Variants in CSMD1 observed in about 807,000 individuals in gnomAD.
CSMD1 encodes the protein CUB and Sushi multiple domains 1.
CSMD1 carries 213 observed loss-of-function variants against 417.5 expected under a neutral mutation model. The ratio of observed to expected loss-of-function variants is 0.51; its 90% CI spans 0.46 to 0.57. The LOEUF is 0.57. Among genes scored for constraint, CSMD1 ranks in the 20% least tolerant of loss-of-function variants. CSMD1 has a pLI of 0.00. For synonymous variants in CSMD1, 2,862 were observed against 1,736.8 expected, an observed-to-expected ratio of 1.65 and a Z score of -16.11; for missense variants, 6,923 against 4,529.7, an observed-to-expected ratio of 1.53 and a Z score of -15.17.
At chr8:4,167,005 T>C (rs1372242533) in intron 3 of CSMD1, among the ~76,000 whole-genome samples, 2 of 152,212 alleles carry the variant, frequency 1.3e-5, no homozygotes, top group South Asian at 2.1e-4. Flanking sequence ...GCTGGGTGTT[T>C]GTGAAATCTT....
chr8:4,626,335 C>T (rs1408005463), intron 2 of CSMD1, among the ~76,000 whole-genome samples: 1 of 151,788 alleles, frequency 6.6e-6, no homozygotes, highest in Non-Finnish European at 1.5e-5. Context: ...GAGCCAGCCA[C>T]ACCTTTTTTT....
intron 3 of CSMD1, among the ~76,000 whole-genome samples, chr8:4,130,899 G>A (rs940070252): frequency 6.6e-6 from 1 of 151,766 alleles, no homozygotes; most frequent in African/African-American, 2.4e-5. Flanking sequence ...GTAGAACAAT[G>A]CATTGGATGG....
intron 46 of CSMD1, among the ~76,000 whole-genome samples, chr8:3,101,799 CTTTTT>C (rs530061255): frequency 1.9e-5 from 2 of 106,356 alleles, no homozygotes; most frequent in Admixed American, 1.1e-4. Context: ...CTTTCTTTTT[CTTTTT>C]TTTTTTTTTT....
At chr8:4,083,620 G>A (rs1030796421) in intron 3 of CSMD1, among the ~76,000 whole-genome samples, 2 of 152,094 alleles carry the variant, frequency 1.3e-5, no homozygotes, top group African/African-American at 2.4e-5. Flanking sequence ...AATGGTGCTG[G>A]GAAAACTGGC....
chr8:3,264,720 A>G (rs1801310563), intron 26 of CSMD1, among the ~76,000 whole-genome samples: 1 of 152,318 alleles, frequency 6.6e-6, no homozygotes, highest in Admixed American at 6.5e-5. Flanking sequence ...TAACTAGGAA[A>G]TGATTGCTAA....
At chr8:3,241,935 G>A (rs987228687) in intron 26 of CSMD1, among the ~76,000 whole-genome samples, 1 of 147,494 alleles carries the variant, frequency 6.8e-6, no homozygotes, top group Non-Finnish European at 1.5e-5. Context: ...GCCGGGAGCA[G>A]ATTGGGTAAT....
rs115062496 is a variant in CSMD1, at chr8:4,755,391, C to T, written c.86-117833G>A. 3.5e-3 allele frequency among the ~76,000 whole-genome samples: 535 copies of T among 152,250 alleles called. 2 individuals carry two copies. The highest frequency in any genetic ancestry group is 0.012 in the African/African-American group (513 of 41,552). On this transcript the variant is annotated intron_variant, in intron 1 of 69. Coordinates refer to ENST00000635120, the MANE Select transcript of CSMD1 (RefSeq NM_033225.6). ...TATAACCTTCAAAGTGCTGCTTTCT[C>T]CTGAAATACTTGGTTCTGATGACTT...
rs552804548 is a variant in CSMD1, at chr8:3,555,391, A to G, written c.1344+19554T>C. On this transcript the variant is annotated intron_variant, in intron 10 of 69. Transcript: ENST00000635120. ...ATGATGACAGTCTGAACGCTGTAAG[A>G]ATTTAGCCAAATCATCCCACCTGCT... Among the ~76,000 whole-genome samples the G allele has an allele frequency of 2.6e-5, 4 of 152,132 alleles. No homozygotes were observed. The East Asian group carries it at 7.8e-4, about 30-fold the overall frequency.
intron 7 of CSMD1, among the ~76,000 whole-genome samples, chr8:3,629,644 T>C (rs1796677763): frequency 6.6e-6 from 1 of 152,198 alleles, no homozygotes; most frequent in African/African-American, 2.4e-5. Flanking sequence ...GATTATTTTA[T>C]CAAGGAATGT....
At chr8:4,771,321 G>C (rs17419350) in intron 1 of CSMD1, among the ~76,000 whole-genome samples, 4,375 of 152,284 alleles carry the variant, frequency 0.029, 92 homozygotes, top group Non-Finnish European at 0.046. Context: ...GTTTCTCCCA[G>C]CTGACAATAA....
At chr8:3,505,993 G>T (rs10106457) in intron 10 of CSMD1, among the ~76,000 whole-genome samples, 2 of 152,000 alleles carry the variant, frequency 1.3e-5, no homozygotes, top group African/African-American at 4.8e-5. Context: ...AAAAATACAC[G>T]TATGTATATT....
At chr8:3,496,362 C>T (rs754555766) in intron 10 of CSMD1, among the ~76,000 whole-genome samples, 1 of 152,266 alleles carries the variant, frequency 6.6e-6, no homozygotes, top group South Asian at 2.1e-4. Context: ...GGATTGAGGG[C>T]AGACACCATG....
chr8:3,534,853 G>A (rs1585319881), intron 10 of CSMD1, among the ~76,000 whole-genome samples: 1 of 152,170 alleles, frequency 6.6e-6, no homozygotes, highest in Admixed American at 6.5e-5. Flanking sequence ...CTTTTGCCTA[G>A]ATGTATTCAT....
intron 3 of CSMD1, among the ~76,000 whole-genome samples, chr8:4,230,456 C>T (rs1249820335): frequency 6.6e-6 from 1 of 152,062 alleles, no homozygotes; most frequent in African/African-American, 2.4e-5. Context: ...TAAATTATAT[C>T]CCAATCAATA....
At chr8:3,301,465 G>T (rs955897514) in intron 25 of CSMD1, among the ~76,000 whole-genome samples, 1 of 152,168 alleles carries the variant, frequency 6.6e-6, no homozygotes. Context: ...GGTAACTGAT[G>T]AAGAGAAATG....
chr8:3,829,689 G>C (rs1369745392), intron 5 of CSMD1, among the ~76,000 whole-genome samples: 2 of 152,142 alleles, frequency 1.3e-5, no homozygotes, highest in Non-Finnish European at 2.9e-5. Context: ...TAACATGCTT[G>C]AGAAATATTT....
intron 54 of CSMD1, among the ~76,000 whole-genome samples, chr8:2,985,143 C>A (rs1474717074): frequency 6.6e-6 from 1 of 152,100 alleles, no homozygotes; most frequent in Non-Finnish European, 1.5e-5. Flanking sequence ...TTTTATGTCA[C>A]AAAAATTGTG....
At chr8:4,979,092 T>C (rs1810729058) in intron 1 of CSMD1, among the ~76,000 whole-genome samples, 1 of 152,338 alleles carries the variant, frequency 6.6e-6, no homozygotes, top group Non-Finnish European at 1.5e-5. Context: ...TGGTGTTAAA[T>C]GATGTTAAAA....
At chr8:3,330,720 A>T (rs1806837708) in intron 23 of CSMD1, among the ~76,000 whole-genome samples, 1 of 152,130 alleles carries the variant, frequency 6.6e-6, no homozygotes, top group South Asian at 2.1e-4. Context: ...CAAATAACAA[A>T]CCTGCACCTG....
Sources: gnomAD v4.1 joint callset for allele counts (sites outside exome capture counted in the v4.1 genomes callset) on GRCh38, gnomAD v4.1.1 for gene constraint, MANE v1.5 for transcripts, NCBI Gene and HGNC (gene_info 2026-07-23, HGNC 2026-07-21) for gene names.